The following CLEC7A variants were observed in gnomAD, a reference collection of about 807,000 sequenced individuals.
CLEC7A encodes the protein C-type lectin domain family 7 member A.
Under a neutral mutation model 26.9 loss-of-function variants are expected in CLEC7A, and 25 were observed. That is an observed-to-expected ratio of 0.93 (90% CI 0.68 to 1.30). The LOEUF is 1.30. Ranked by LOEUF, CLEC7A falls within the 50% of genes most tolerant of loss-of-function variation. CLEC7A has a pLI of 0.00. For synonymous variants in CLEC7A, 100 were observed against 99.5 expected, an observed-to-expected ratio of 1.01 and a Z score of -0.03; for missense variants, 275 against 286.7, an observed-to-expected ratio of 0.96 and a Z score of 0.29.
intron 4 of CLEC7A, among the ~76,000 whole-genome samples, chr12:10,123,827 T>C (rs1184811083): frequency 6.6e-6 from 1 of 151,994 alleles, no homozygotes; most frequent in Non-Finnish European, 1.5e-5. Flanking sequence ...AGTGCCAATT[T>C]TTGAATGTCA....
chr12:10,119,289 G>C (rs1004109484), intron 5 of CLEC7A, among the ~76,000 whole-genome samples: 2 of 152,184 alleles, frequency 1.3e-5, no homozygotes, highest in African/African-American at 4.8e-5. Flanking sequence ...TCTCCCTCTT[G>C]ACCCTGAGGT....
intron 2 of CLEC7A, 141 bp downstream of exon 2, chr12:10,127,606 C>T: frequency 1.1e-6 from 1 of 917,746 alleles, no homozygotes; most frequent in Non-Finnish European, 1.8e-6. Context: ...TGGGCATTAA[C>T]AGCACCAACC....
chr12:10,121,287 CAG>C (rs1948077183), intron 5 of CLEC7A, among the ~76,000 whole-genome samples: 1 of 145,456 alleles, frequency 6.9e-6, no homozygotes, highest in Non-Finnish European at 1.5e-5. Flanking sequence ...AAAAAAAAAA[CAG>C]AATAAGAAAA....
At position 10,129,953 on chromosome 12, in the gene CLEC7A, C is replaced by CACACATTAGAAAAAACAT. The variant is rs747651336; in HGVS notation, c.103+9_103+26dup. On this transcript the variant is annotated intron_variant, in intron 1 of 5. Coordinates refer to ENST00000304084, the MANE Select transcript of CLEC7A (RefSeq NM_197947.3). ...TCTTTTCAAACGGGAGAGCTAAAGG[C>CACACATTAGAAAAAACAT]ACACATTAGAAAAAACATATATATA... The CACACATTAGAAAAAACAT allele has an allele frequency of 2.3e-6, 3 of 1,306,946 alleles. No homozygotes were observed. The South Asian group carries it at 3.6e-5, about 16-fold the overall frequency. The allele number at this position is 1,306,946 out of a possible 1,614,324, so 81.0% of individuals were successfully genotyped here.
Position 10,129,988 on chromosome 12 carries a change from G to A in CLEC7A, c.95C>T (p.Ser32Leu), listed in dbSNP as rs1045300666. The A allele has an allele frequency of 6.3e-7, 1 of 1,591,844 alleles. No individual in the cohort carries two copies. The highest frequency in any genetic ancestry group is 1.7e-5 in the Admixed American group (1 of 59,894). Residue 32 changes from serine to leucine, a missense_variant, in exon 1 of 6, where the codon TCA becomes TTA. Ser to Leu is a moderately radical substitution (Grantham distance 145). Transcript: ENST00000304084. ...AAAAAACATATATATACCTTTCTCT[G>A]AAACAACAGCTATCCTGGTATTGCT... Reference protein sequence around the residue: ...SQSNTRIAVVSEKGSCAASPP... With the variant: ...SQSNTRIAVVLEKGSCAASPP...
chr12:10,119,415 A>G (rs1004444272), intron 5 of CLEC7A, among the ~76,000 whole-genome samples: 2 of 152,220 alleles, frequency 1.3e-5, no homozygotes, highest in African/African-American at 2.4e-5. Context: ...TCCTTGACCT[A>G]TAAGTGTTTT....
chr12:10,120,213 A>C (rs145037675), intron 5 of CLEC7A, among the ~76,000 whole-genome samples: 64 of 152,312 alleles, frequency 4.2e-4, no homozygotes, highest in African/African-American at 1.5e-3. Flanking sequence ...ATGGGTCTGT[A>C]ATGAATGTAA....
rs777453434 is a variant in CLEC7A at position 10,126,581 on chromosome 12, G to C, written c.330C>G (p.Val110=). 3 of 1,604,742 alleles carry C rather than the reference G, an allele frequency of 1.9e-6. No homozygotes were observed. Among genetic ancestry groups the C allele is most frequent in the Non-Finnish European group, 2.6e-6 (3 of 1,175,806 alleles). The change falls in exon 3 of 6, where the codon GTC becomes GTG. Residue 110 remains valine (V), a synonymous_variant. Coordinates refer to ENST00000304084, the MANE Select transcript of CLEC7A (RefSeq NM_197947.3). ...LEDSVTPTKA[V]KTTGVLSSPC... ...TAACTATGCCCTTGCCTGTGGTTTT[G>C]ACAGCTTTGGTAGGAGTCACACTGT...
intron 5 of CLEC7A, among the ~76,000 whole-genome samples, chr12:10,120,971 G>T (rs1948067440): frequency 6.6e-6 from 1 of 151,100 alleles, no homozygotes; most frequent in Non-Finnish European, 1.5e-5. Flanking sequence ...TGGGAGAATC[G>T]CTTGAACCCA....
intron 5 of CLEC7A, among the ~76,000 whole-genome samples, chr12:10,119,604 T>G (rs1181522137): frequency 6.6e-6 from 1 of 152,162 alleles, no homozygotes; most frequent in Non-Finnish European, 1.5e-5. Context: ...GAAAATACAT[T>G]TGGCTGATAA....
intron 3 of CLEC7A, among the ~76,000 whole-genome samples, chr12:10,125,649 C>A (rs937799340): frequency 1.3e-5 from 2 of 152,140 alleles, no homozygotes; most frequent in African/African-American, 4.8e-5. Context: ...AATTTAAAAA[C>A]AAACTAGCTA....
intron 1 of CLEC7A, among the ~76,000 whole-genome samples, chr12:10,128,619 G>A (rs948642934): frequency 2.6e-5 from 4 of 151,980 alleles, no homozygotes; most frequent in Admixed American, 6.6e-5. Flanking sequence ...GTGAAACTGG[G>A]GTAATAATAT....
intron 2 of CLEC7A, chr12:10,127,501 A>C: frequency 2.0e-6 from 3 of 1,529,600 alleles, no homozygotes; most frequent in Non-Finnish European, 2.7e-6. Context: ...TAGACAGATC[A>C]CCCAAATTTC....
chr12:10,129,907 C>G (rs1448431349), intron 1 of CLEC7A, 73 bp downstream of exon 1: 26 of 870,482 alleles, frequency 3.0e-5, no homozygotes, highest in Non-Finnish European at 1.3e-5. Flanking sequence ...TGTGAGCCAC[C>G]ATGCCTAGCC....
At chr12:10,125,180 CA>C (rs10717980) in intron 4 of CLEC7A, 116 bp downstream of exon 4, 139,576 of 593,600 alleles carry the variant, frequency 0.24, 2,510 homozygotes, top group African/African-American at 0.4. Context: ...GACTCTGCCT[CA>C]AAAAAAAAAA....
intron 4 of CLEC7A, 146 bp downstream of exon 4, chr12:10,125,151 A>G (rs1401899890): frequency 1.2e-5 from 10 of 802,324 alleles, no homozygotes; most frequent in Non-Finnish European, 1.9e-5. Flanking sequence ...ACTGCACTCT[A>G]GCTTGGGCAA....
chr12:10,127,802 AATTACAGCAATG>A lies in CLEC7A; in HGVS notation c.135_146del (p.Ile46_Ile49del). ...GTATTACCAAGCATAGGATTCCCAA[AATTACAGCAATG>A]AGGCGCCAAGGAGGAGATGCAGCAC... On this transcript the variant is annotated inframe_deletion, in exon 2 of 6. Transcript: ENST00000304084. The A allele has an allele frequency of 6.3e-7, 1 of 1,581,432 alleles. No homozygotes were observed. Among genetic ancestry groups the A allele is most frequent in the Non-Finnish European group, 8.6e-7 (1 of 1,162,630 alleles).
rs1948291638 is a variant in CLEC7A at position 10,126,564 on chromosome 12, C to T, written c.340+7G>A. On this transcript the variant is annotated splice_region_variant and intron_variant, in intron 3 of 5. Transcript: ENST00000304084. ...GTCAAGATTCCGTCCTTTAACTATG[C>T]CCTTGCCTGTGGTTTTGACAGCTTT... 2.5e-6 allele frequency: 4 copies of T among 1,602,690 alleles called. No homozygotes were observed. In the South Asian group the frequency reaches 3.4e-5, roughly 13 times the overall value.
In CLEC7A at chr12:10,118,363, G is replaced by T. The variant is rs2137403574; in HGVS notation, c.*95C>A. 2 of 1,180,954 alleles carry T rather than the reference G, an allele frequency of 1.7e-6. No homozygotes were observed. Among genetic ancestry groups the T allele is most frequent in the Non-Finnish European group, 1.2e-6 (1 of 818,780 alleles). The allele number at this position is 1,180,954 out of a possible 1,614,324, so 73.2% of individuals were successfully genotyped here. A position where few individuals can be genotyped will look rare whatever the true frequency, so the allele number is the denominator to read the frequency against. On this transcript the variant is annotated 3_prime_UTR_variant, in exon 6 of 6. Coordinates refer to ENST00000304084, the MANE Select transcript of CLEC7A (RefSeq NM_197947.3). ...TGGCCAAGCTCTCTAAACATTTTCT[G>T]CATTTATCTTGACCTCAGCTGTTAC...
Sources: gnomAD v4.1 joint callset for allele counts (sites outside exome capture counted in the v4.1 genomes callset) on GRCh38, gnomAD v4.1.1 for gene constraint, MANE v1.5 for transcripts, NCBI Gene and HGNC (gene_info 2026-07-23, HGNC 2026-07-21) for gene names.